KANSL1: variants seen among roughly 807,000 people sequenced by gnomAD.
KANSL1 encodes MLL1/MLL complex subunit KANSL1.
A neutral mutation model predicts 103.6 loss-of-function variants in KANSL1; 22 were observed. That is an observed-to-expected ratio of 0.21 (90% confidence interval 0.15 to 0.30). The LOEUF is 0.30. KANSL1 is among the 10% of genes least tolerant of loss of function. KANSL1 has a pLI of 1.00. For synonymous variants in KANSL1, 600 were observed against 527.6 expected (o/e 1.14, Z -1.88); for missense variants, 1,337 against 1,399.8 (o/e 0.96, Z 0.72).
At chr17:46,152,471 T>C (rs2045162949) in intron 2 of KANSL1, among the ~76,000 whole-genome samples, 2 of 151,904 alleles carry the variant, frequency 1.3e-5, no homozygotes, top group South Asian at 4.1e-4. Flanking sequence ...TTCCTAAAAA[T>C]GCCTTTGAAG....
chr17:46,100,444 C>CCCAAA (rs1555763353), intron 2 of KANSL1, among the ~76,000 whole-genome samples: 1 of 88,264 alleles, frequency 1.1e-5, no homozygotes, highest in African/African-American at 4.2e-5. Flanking sequence ...TCCCTCTCCC[C>CCCAAA]AAAAAAAAAA....
intron 1 of KANSL1, among the ~76,000 whole-genome samples, chr17:46,172,464 T>TA (rs2046335749): frequency 6.6e-6 from 1 of 152,234 alleles, no homozygotes; most frequent in Non-Finnish European, 1.5e-5. Flanking sequence ...TCTTGTCATT[T>TA]GTTACCACAG....
At chr17:46,123,153 G>C (rs1259557918) in intron 2 of KANSL1, among the ~76,000 whole-genome samples, 1 of 152,248 alleles carries the variant, frequency 6.6e-6, no homozygotes, top group Non-Finnish European at 1.5e-5. Flanking sequence ...GCGGCAGGCG[G>C]ATCACCTGAG....
chr17:46,130,878 G>A (rs975650626), intron 2 of KANSL1, among the ~76,000 whole-genome samples: 1 of 152,182 alleles, frequency 6.6e-6, no homozygotes, highest in African/African-American at 2.4e-5. Context: ...GGGTACAGAG[G>A]AATGAAATTA....
intron 1 of KANSL1, among the ~76,000 whole-genome samples, chr17:46,205,358 A>C (rs1597965634): frequency 6.6e-6 from 1 of 151,946 alleles, no homozygotes. Flanking sequence ...TAAAAATTCC[A>C]CTTACAATAG....
intron 2 of KANSL1, among the ~76,000 whole-genome samples, chr17:46,164,908 G>A (rs968370086): frequency 2.0e-5 from 3 of 152,206 alleles, no homozygotes; most frequent in African/African-American, 7.2e-5. Context: ...TATCCTGGCT[G>A]ATGTTCCTCC....
intron 1 of KANSL1, among the ~76,000 whole-genome samples, chr17:46,219,052 G>A (rs1372324949): frequency 6.6e-6 from 1 of 152,014 alleles, no homozygotes; most frequent in African/African-American, 2.4e-5. Flanking sequence ...CCTGAGGTCA[G>A]GAGTTTAAGA....
At chr17:46,117,728 C>T (rs1279818465) in intron 2 of KANSL1, among the ~76,000 whole-genome samples, 1 of 152,078 alleles carries the variant, frequency 6.6e-6, no homozygotes, top group Non-Finnish European at 1.5e-5. Flanking sequence ...AAAATTAAAA[C>T]ATAAATAAAT....
chr17:46,086,103 C>G (rs1164213894), intron 3 of KANSL1, among the ~76,000 whole-genome samples: 1 of 151,944 alleles, frequency 6.6e-6, no homozygotes, highest in Non-Finnish European at 1.5e-5. Flanking sequence ...ATAATTATAG[C>G]CAGAAGATAA....
chr17:46,207,075 T>C (rs1386047547), intron 1 of KANSL1, among the ~76,000 whole-genome samples: 2 of 151,898 alleles, frequency 1.3e-5, no homozygotes, highest in South Asian at 2.1e-4. Flanking sequence ...CAGAGCAATA[T>C]AGCAAGACCC....
upstream of KANSL1, among the ~76,000 whole-genome samples, chr17:46,198,253 A>G (rs2532230): frequency 0.14 from 21,933 of 151,988 alleles, 2,136 homozygotes; most frequent in Non-Finnish European, 0.22. Context: ...TAAAATGGAG[A>G]TAGTAATACC....
intron 6 of KANSL1, among the ~76,000 whole-genome samples, chr17:46,058,012 C>A (rs1185544156): frequency 6.6e-6 from 1 of 152,172 alleles, no homozygotes; most frequent in African/African-American, 2.4e-5. Context: ...ACATTCTAGA[C>A]TGCAGGGCAG....
At chr17:46,053,713 C>A (rs1378963269) in intron 6 of KANSL1, among the ~76,000 whole-genome samples, 5 of 152,136 alleles carry the variant, frequency 3.3e-5, no homozygotes, top group Non-Finnish European at 5.9e-5. Context: ...GGATTATAGG[C>A]ATGAGCCACC....
intron 7 of KANSL1, chr17:46,042,902 T>C (rs1453047954): frequency 6.7e-6 from 1 of 148,156 alleles, no homozygotes; most frequent in East Asian, 2.2e-4. Context: ...AGGAAAACTA[T>C]TAAAGTTTTA....
intron 2 of KANSL1, among the ~76,000 whole-genome samples, chr17:46,129,655 G>A (rs2043749505): frequency 6.6e-6 from 1 of 152,216 alleles, no homozygotes; most frequent in Non-Finnish European, 1.5e-5. Context: ...AGCAAAGTCT[G>A]TTAAAGGGAA....
At chr17:46,078,554 T>A (rs1235418884) in intron 4 of KANSL1, among the ~76,000 whole-genome samples, 3 of 147,644 alleles carry the variant, frequency 2.0e-5, no homozygotes, top group East Asian at 1.9e-4. Context: ...CATCCTCTGA[T>A]AATATACAAA....
chr17:46,038,445 T>C, intron 10 of KANSL1, 93 bp downstream of exon 10: 1 of 1,398,768 alleles, frequency 7.1e-7, no homozygotes, highest in Non-Finnish European at 9.7e-7. Context: ...TGCCCTGGGC[T>C]TTATAACCCA....
chr17:46,060,778 C>T (rs1157333478), intron 6 of KANSL1, among the ~76,000 whole-genome samples: 3 of 151,984 alleles, frequency 2.0e-5, no homozygotes, highest in South Asian at 2.1e-4. Context: ...CTTTATTTAC[C>T]CTGATGTCTA....
At chr17:46,057,880 CAGAGTAATAGT>C (rs1288632558) in intron 6 of KANSL1, among the ~76,000 whole-genome samples, 2 of 152,172 alleles carry the variant, frequency 1.3e-5, no homozygotes, top group Non-Finnish European at 2.9e-5. Context: ...CTGCTTCTAG[CAGAGTAATAGT>C]GATCAGATTT....
Sources: gnomAD v4.1 joint callset for allele counts (sites outside exome capture counted in the v4.1 genomes callset) on GRCh38, gnomAD v4.1.1 for gene constraint, MANE v1.5 for transcripts, NCBI Gene and HGNC (gene_info 2026-07-23, HGNC 2026-07-21) for gene names.